The following FOXP3 variants were observed in gnomAD, a reference collection of about 807,000 sequenced individuals.
The protein encoded by FOXP3 is forkhead box protein P3.
FOXP3 carries 5 observed loss-of-function variants against 31.2 expected under a neutral mutation model. The ratio of observed to expected loss-of-function variants is 0.16; its 90% CI spans 0.08 to 0.34. The LOEUF (loss-of-function observed/expected upper bound fraction) is 0.34. Among genes scored for constraint, FOXP3 ranks in the 10% least tolerant of loss-of-function variants. The pLI, the probability that FOXP3 is intolerant of heterozygous loss-of-function variation, is 1.00. For missense variants in FOXP3, 251 were observed against 363.0 expected (o/e 0.69, Z 2.51); for synonymous variants, 141 against 148.8 (o/e 0.95, Z 0.38).
At chrX:49,255,678 T>C (rs1557116190) in intron 7 of FOXP3, 37 bp downstream of exon 7, 12 of 1,175,102 alleles carry the variant, frequency 1.0e-5, no homozygotes, top group Admixed American at 4.5e-5. Context: ...TTTTGCGCAC[T>C]ATCCCTATCC....
intron 1 of FOXP3, 71 bp from the exon 2 acceptor site, chrX:49,258,598 A>C (rs1251251580): frequency 1.1e-6 from 1 of 870,752 alleles, no homozygotes; most frequent in African/African-American, 2.1e-5. Flanking sequence ...CACCTGAGCC[A>C]CGTGGACACT....
At chrX:49,254,613 C>T (rs1268205830) in intron 8 of FOXP3, among the ~76,000 whole-genome samples, 1 of 111,854 alleles carries the variant, frequency 8.9e-6, no homozygotes, top group Non-Finnish European at 1.9e-5. Context: ...TACCACCCAA[C>T]TGTGACCTTG....
chrX:49,252,308 G>A (rs1205624957), intron 10 of FOXP3, among the ~76,000 whole-genome samples: 1 of 110,504 alleles, frequency 9.0e-6, no homozygotes, highest in East Asian at 2.8e-4. Flanking sequence ...AGTATCTTAC[G>A]TGTCAGGGAC....
In FOXP3 at chrX:49,253,195, G is replaced by A. The variant is rs371301543; in HGVS notation, c.975C>T (p.Leu325=). The A allele has an allele frequency of 4.1e-6, 5 of 1,206,141 alleles. No homozygotes were observed. Among genetic ancestry groups the A allele is most frequent in the African/African-American group, 3.5e-5 (2 of 56,767 alleles). ...SHGNSTFPEF[L]HNMDYFKFHN... ...GGAACTTGAAGTAGTCCATGTTGTG[G>A]AGGAACTCTGTCAGAGGGTGGGGAT... is the stretch of plus-strand genomic sequence containing the variant. The change falls in exon 10 of 12, where the codon CTC becomes CTT. Residue 325 remains leucine, a synonymous_variant. Coordinates refer to ENST00000376207, the MANE Select transcript of FOXP3 (RefSeq NM_014009.4).
Position 49,256,942 on chromosome X carries a change from A to G in FOXP3, c.525T>C (p.Ser175=), listed in dbSNP as rs1441216420. ...CCACTGACCTGTCCTTCCTGGGTGC[A>G]CTGGGATTTGGGAAGGTGCAGAGCA... The part of the protein sequence containing the change: ...PALLCTFPNP[S]APRKDSTLSA... The change falls in exon 5 of 12, where the codon AGT becomes AGC. Residue 175 remains serine (S), a synonymous_variant. Coordinates refer to ENST00000376207, the MANE Select transcript of FOXP3 (RefSeq NM_014009.4). 24 of 1,210,150 alleles carry G rather than the reference A, an allele frequency of 2.0e-5. No homozygotes were observed. The highest frequency in any genetic ancestry group is 2.6e-5 in the Non-Finnish European group (23 of 895,021).
At chrX:49,256,697 G>T in intron 6 of FOXP3, 54 bp downstream of exon 6, 1 of 1,045,638 alleles carries the variant, frequency 9.6e-7, no homozygotes, top group Non-Finnish European at 1.3e-6. Flanking sequence ...CTGCACCCTA[G>T]ACCTCTCCCC....
chrX:49,253,147 G>A lies in FOXP3; in HGVS notation c.1023C>T (p.Thr341=). Residue 341 remains threonine, a synonymous_variant, in exon 10 of 12, where the codon ACC becomes ACT. Transcript: ENST00000376207. ...TTACCCAGCGGATGAGCGTGGCGTA[G>A]GTGAAAGGGGGTCGCATGTTGTGGA... The part of the protein sequence containing the change: ...FKFHNMRPPF[T]YATLIRWAIL... The A allele has an allele frequency of 8.3e-7, 1 of 1,209,827 alleles. No individual in the cohort carries two copies. The highest frequency in any genetic ancestry group is 1.1e-6 in the Non-Finnish European group (1 of 894,518).
At chrX:49,262,118 G>C (rs782688859) in intron 1 of FOXP3, among the ~76,000 whole-genome samples, 3 of 112,400 alleles carry the variant, frequency 2.7e-5, no homozygotes, top group African/African-American at 6.5e-5. Flanking sequence ...GAGAGAAATG[G>C]ACACATGCAT....
chrX:49,263,506 AAATC>A (rs1372811099), intron 1 of FOXP3, among the ~76,000 whole-genome samples: 3 of 112,412 alleles, frequency 2.7e-5, no homozygotes, highest in Non-Finnish European at 5.6e-5. Context: ...GCACTTGGTC[AAATC>A]AATCAAAGTT....
chrX:49,252,857 G>A (rs781995927), intron 10 of FOXP3, among the ~76,000 whole-genome samples: 1 of 110,338 alleles, frequency 9.1e-6, no homozygotes, highest in African/African-American at 3.3e-5. Flanking sequence ...ATGGGGCTGA[G>A]GTGGACATCT....
chrX:49,263,832 A>G (rs2066124445), intron 1 of FOXP3, among the ~76,000 whole-genome samples: 1 of 110,585 alleles, frequency 9.0e-6, no homozygotes, highest in Non-Finnish European at 1.9e-5. Context: ...TACGGTTGAC[A>G]ATGGTGTGAA....
chrX:49,260,599 T>TG (rs1325264277), intron 1 of FOXP3, among the ~76,000 whole-genome samples: 1 of 112,313 alleles, frequency 8.9e-6, no homozygotes, highest in Non-Finnish European at 1.9e-5. Flanking sequence ...ATGATCTGTC[T>TG]GGGGGTAGAG....
At chrX:49,253,721 T>G (rs1557115883) in intron 9 of FOXP3, among the ~76,000 whole-genome samples, 196 bp downstream of exon 9, 1 of 111,136 alleles carries the variant, frequency 9.0e-6, no homozygotes, top group Non-Finnish European at 1.9e-5. Flanking sequence ...CGAGACCATA[T>G]GGGGGGCTTT....
At chrX:49,260,599 T>G (rs1557117085) in intron 1 of FOXP3, among the ~76,000 whole-genome samples, 1 of 112,313 alleles carries the variant, frequency 8.9e-6, no homozygotes, top group Non-Finnish European at 1.9e-5. Flanking sequence ...ATGATCTGTC[T>G]GGGGGTAGAG....
intron 1 of FOXP3, among the ~76,000 whole-genome samples, chrX:49,259,973 C>T (rs2066100636): frequency 9.0e-6 from 1 of 111,354 alleles, no homozygotes; most frequent in South Asian, 3.8e-4. Flanking sequence ...AGCAGTTGCT[C>T]CTTCCTTTCT....
In FOXP3 at chrX:49,257,753, G is replaced by C. The variant is rs781921052; in HGVS notation, c.226C>G (p.Leu76Val). Residue 76 changes from leucine to valine, a missense_variant, in exon 3 of 12, where the codon CTA (leucine) becomes GTA (valine). Transcript: ENST00000376207. Reference sequence around the variant, plus strand: ...GCCCCGGAGGGTGCCACCATGACTAGGGGCAGTGTGGGCAGCTGGGCAGAA... The same window carrying C: ...GCCCCGGAGGGTGCCACCATGACTACGGGCAGTGTGGGCAGCTGGGCAGAA... The part of the protein sequence containing the change: ...PSQLQLPTLP[L>V]VMVAPSGARL... 2.6e-6 allele frequency: 3 copies of C among 1,168,764 alleles called. No individual in the cohort carries two copies. The Admixed American group carries it at 7.7e-5, about 30-fold the overall frequency.
chrX:49,264,093 G>A (rs782445878), intron 1 of FOXP3, among the ~76,000 whole-genome samples: 5 of 111,906 alleles, frequency 4.5e-5, no homozygotes, highest in Non-Finnish European at 9.4e-5. Flanking sequence ...GAGCGGGAGA[G>A]ATGGAGGAAA....
intron 2 of FOXP3, 119 bp from the exon 3 acceptor site, chrX:49,257,887 G>T: frequency 1.8e-6 from 1 of 559,566 alleles, no homozygotes; most frequent in East Asian, 3.6e-5. Context: ...CCTTTTACAC[G>T]TATGGAAACT....
At chrX:49,262,779 C>T (rs1053787002) in intron 1 of FOXP3, among the ~76,000 whole-genome samples, 1 of 111,534 alleles carries the variant, frequency 9.0e-6, no homozygotes, top group Non-Finnish European at 1.9e-5. Context: ...CTTGGGGTGA[C>T]GCTGGGTTTG....
Sources: gnomAD v4.1 joint callset for allele counts (sites outside exome capture counted in the v4.1 genomes callset) on GRCh38, gnomAD v4.1.1 for gene constraint, MANE v1.5 for transcripts, NCBI Gene and HGNC (gene_info 2026-07-23, HGNC 2026-07-21) for gene names.